C4orf50: variants seen among roughly 807,000 people sequenced by gnomAD.
C4orf50 encodes chromosome 4 open reading frame 50.
In C4orf50, 80 loss-of-function variants were observed where a neutral mutation model predicts 77.2. The observed-to-expected ratio is 1.04, with a 90% confidence interval of 0.87 to 1.25. The LOEUF (loss-of-function observed/expected upper bound fraction) is 1.25, where lower values mean the gene tolerates loss of function less well. Ranked by LOEUF, C4orf50 falls within the 50% of genes most tolerant of loss-of-function variation. The pLI is 0.00. For synonymous variants in C4orf50, 532 were observed against 465.3 expected (o/e 1.14, Z -1.84); for missense variants, 1,257 against 1,152.9 (o/e 1.09, Z -1.31).
intron 7 of C4orf50, chr4:5,904,804 C>T (rs967196503): frequency 6.6e-6 from 1 of 152,188 alleles, no homozygotes; most frequent in Admixed American, 6.5e-5. Context: ...TTCAGCAGCT[C>T]TATAATATCA....
At chr4:5,988,958 G>C (rs1266694851) in exon 28 of C4orf50, 6 of 1,535,906 alleles carry the variant, frequency 3.9e-6, no homozygotes, top group East Asian at 2.4e-5. Flanking sequence ...TTCTGGAGTT[G>C]GCCCAGATTC....
chr4:5,936,562 C>CAAAAAAAAAAAAAAAAAAA (rs374200584), intron 7 of C4orf50, among the ~76,000 whole-genome samples: 1 of 75,428 alleles, frequency 1.3e-5, no homozygotes, highest in African/African-American at 5.3e-5. Context: ...GACGCCATCT[C>CAAAAAAAAAAAAAAAAAAA]AAAAAAAAAA....
chr4:5,978,768 T>C (rs747238746), intron 29 of C4orf50, among the ~76,000 whole-genome samples: 3 of 152,246 alleles, frequency 2.0e-5, no homozygotes, highest in Non-Finnish European at 4.4e-5. Flanking sequence ...TAAACAGTTA[T>C]GTGTAAGTTC....
At chr4:5,911,692 A>G (rs1197729900) in intron 7 of C4orf50, among the ~76,000 whole-genome samples, 1 of 152,228 alleles carries the variant, frequency 6.6e-6, no homozygotes, top group Non-Finnish European at 1.5e-5. Context: ...ATAGAGAACC[A>G]CAGTGGTGAG....
chr4:5,913,222 T>G (rs1716888038), intron 7 of C4orf50, among the ~76,000 whole-genome samples: 1 of 152,286 alleles, frequency 6.6e-6, no homozygotes, highest in South Asian at 2.1e-4. Context: ...ATGGGGCTGG[T>G]GTAAAGAAGG....
chr4:6,001,259 C>A (rs1721818839), intron 25 of C4orf50, among the ~76,000 whole-genome samples: 2 of 152,202 alleles, frequency 1.3e-5, no homozygotes, highest in African/African-American at 4.8e-5. Context: ...AAGCGATTCT[C>A]CTGCCTCAGC....
chr4:6,001,552 G>A (rs1265523148), intron 25 of C4orf50, among the ~76,000 whole-genome samples: 1 of 152,172 alleles, frequency 6.6e-6, no homozygotes, highest in Non-Finnish European at 1.5e-5. Context: ...CAAGAAACTA[G>A]TGTCCTAAAC....
intron 31 of C4orf50, among the ~76,000 whole-genome samples, chr4:5,968,215 C>G (rs529206586): frequency 6.6e-6 from 1 of 152,208 alleles, no homozygotes; most frequent in Non-Finnish European, 1.5e-5. Flanking sequence ...TGAACTTCTA[C>G]GTAGATGTCA....
intron 31 of C4orf50, among the ~76,000 whole-genome samples, chr4:5,968,908 G>T (rs948867650): frequency 6.6e-6 from 1 of 152,132 alleles, no homozygotes; most frequent in Non-Finnish European, 1.5e-5. Flanking sequence ...TGGGGTGCAA[G>T]GACCCTTGTC....
intron 33 of C4orf50, among the ~76,000 whole-genome samples, chr4:5,963,294 C>T (rs1402419948): frequency 1.3e-5 from 2 of 152,028 alleles, no homozygotes; most frequent in African/African-American, 4.8e-5. Context: ...TGCGCCCAGC[C>T]TGCCTAGAAT....
intron 7 of C4orf50, among the ~76,000 whole-genome samples, chr4:5,933,956 CAGAG>C (rs1717885382): frequency 6.6e-6 from 1 of 152,020 alleles, no homozygotes; most frequent in South Asian, 2.1e-4. Context: ...GAAGAGATGA[CAGAG>C]AGGAGAGCAG....
chr4:6,013,695 C>T (rs554991154), intron 23 of C4orf50, among the ~76,000 whole-genome samples: 8 of 152,266 alleles, frequency 5.3e-5, no homozygotes, highest in Middle Eastern at 3.4e-3. Flanking sequence ...GACACCAACA[C>T]GCGATTGCAT....
chr4:5,991,400 T>G (rs1202814242), intron 27 of C4orf50, among the ~76,000 whole-genome samples: 1 of 152,200 alleles, frequency 6.6e-6, no homozygotes, highest in African/African-American at 2.4e-5. Flanking sequence ...ATGGGGCTGG[T>G]GCAGGTGGTC....
chr4:5,956,507 C>A (rs1009097853), downstream of C4orf50, among the ~76,000 whole-genome samples: 7 of 152,206 alleles, frequency 4.6e-5, no homozygotes, highest in South Asian at 4.1e-4. Context: ...CTCGGAGAAG[C>A]ATCTGCTGAG....
chr4:6,011,337 C>A lies in C4orf50; in HGVS notation c.426+493G>T, dbSNP rs763723508. ...TGTGTTCTCCCACACCTCTGTGCTACGGCCCCGTGCTGTCAGCCACGCCTC... is the reference window on the plus strand; with the variant it reads ...TGTGTTCTCCCACACCTCTGTGCTAAGGCCCCGTGCTGTCAGCCACGCCTC... On this transcript the variant is annotated intron_variant, in intron 24 of 33. Coordinates refer to ENST00000531445, the Ensembl canonical transcript of C4orf50. The surrounding 1 kb of genome is among the most constrained non-coding windows in gnomAD (Gnocchi z 4.2). 6.6e-6 allele frequency among the ~76,000 whole-genome samples: 1 copy of A among 152,114 alleles called. No homozygotes were observed. Among genetic ancestry groups the A allele is most frequent in the Non-Finnish European group, 1.5e-5 (1 of 68,018 alleles).
chr4:5,903,507 C>T (rs1169927500), intron 7 of C4orf50: 1 of 152,106 alleles, frequency 6.6e-6, no homozygotes, highest in Non-Finnish European at 1.5e-5. Flanking sequence ...ACATGAACCT[C>T]GAAAACATTG....
chr4:5,964,925 C>A, intron 33 of C4orf50, 99 bp downstream of exon 11: 5 of 1,126,924 alleles, frequency 4.4e-6, no homozygotes, highest in African/African-American at 1.6e-5. Context: ...TGGTGGCTTT[C>A]TGGGTGTATA....
chr4:5,990,446 G>T, exon 28 of C4orf50: 1 of 402,250 alleles, frequency 2.5e-6, no homozygotes, highest in African/African-American at 2.1e-5. Flanking sequence ...AGAAATGGGT[G>T]ATTTGAAATG....
At chr4:5,898,749 T>C (rs1441595067) in intron 7 of C4orf50, 3 of 152,230 alleles carry the variant, frequency 2.0e-5, no homozygotes, top group Non-Finnish European at 4.4e-5. Flanking sequence ...ACAATCCCAT[T>C]AATTTGTCTC....
Sources: gnomAD v4.1 joint callset for allele counts (sites outside exome capture counted in the v4.1 genomes callset) on GRCh38, gnomAD v4.1.1 for gene constraint, Gnocchi (gnomAD v3.1) non-coding constraint, MANE v1.5 for transcripts, NCBI Gene and HGNC (gene_info 2026-07-23, HGNC 2026-07-21) for gene names.